The following PCLO variants were observed in gnomAD, a reference collection of about 807,000 sequenced individuals.
PCLO encodes the protein protein piccolo.
A neutral mutation model predicts 427.5 loss-of-function variants in PCLO; 82 were observed. That is an observed-to-expected ratio of 0.19 (90% confidence interval 0.16 to 0.23). The LOEUF (loss-of-function observed/expected upper bound fraction) is 0.23. Among genes scored for constraint, PCLO ranks in the 10% least tolerant of loss-of-function variants. The probability of loss-of-function intolerance (pLI) is 1.00; values close to 1 mark genes in which losing one functional copy is unlikely to be tolerated. For missense variants in PCLO, 6,239 were observed against 6,115.9 expected (o/e 1.02, Z -0.67); for synonymous variants, 2,357 against 2,155.4 (o/e 1.09, Z -2.59).
chr7:83,014,934 T>A (rs1788170294), intron 3 of PCLO, among the ~76,000 whole-genome samples: 1 of 152,172 alleles, frequency 6.6e-6, no homozygotes, highest in African/African-American at 2.4e-5. Context: ...TAGGGAACAC[T>A]TTTTGAGCAA....
At chr7:83,043,062 C>G (rs1789011686) in intron 3 of PCLO, among the ~76,000 whole-genome samples, 1 of 152,154 alleles carries the variant, frequency 6.6e-6, no homozygotes, top group Admixed American at 6.5e-5. Context: ...TGTGCATTGT[C>G]AGATGTTTAG....
chr7:83,093,670 T>G (rs571878994), intron 3 of PCLO, among the ~76,000 whole-genome samples: 2 of 149,690 alleles, frequency 1.3e-5, no homozygotes, highest in South Asian at 4.2e-4. Context: ...TTTTTTTTAT[T>G]TTTTAGTAGA....
chr7:82,835,690 T>A lies in PCLO; in HGVS notation c.14226A>T (p.Gln4742His). Reference protein sequence around the residue: ...VKVYLLPGRGQVMVVQNASAE... With the variant: ...VKVYLLPGRGHVMVVQNASAE... The stretch of plus-strand genomic sequence containing the variant: ...ACCTTGCATTCTGGACAACCATGAC[T>A]TGACTGCATTGATTCCAAGAGCGAG... Residue 4742 changes from glutamine to histidine, a missense_variant, in exon 16 of 25, where the codon CAA (glutamine) becomes CAT (histidine). By Grantham distance (24) the Gln-to-His change is conservative (BLOSUM62 0). Coordinates refer to ENST00000333891, the MANE Select transcript of PCLO (RefSeq NM_033026.6). 6.2e-7 allele frequency: 1 copy of A among 1,609,204 alleles called. No individual in the cohort carries two copies.
chr7:83,011,417 C>T (rs942046505), intron 3 of PCLO, among the ~76,000 whole-genome samples: 2 of 151,892 alleles, frequency 1.3e-5, no homozygotes, highest in South Asian at 4.1e-4. Context: ...TTGTTGAACA[C>T]TGTTAGATAA....
intron 3 of PCLO, among the ~76,000 whole-genome samples, chr7:83,004,472 A>G (rs1456710479): frequency 3.2e-5 from 3 of 92,680 alleles, no homozygotes; most frequent in African/African-American, 1.7e-4. Context: ...ATGAAATTGG[A>G]CGCTTACACA....
intron 9 of PCLO, among the ~76,000 whole-genome samples, chr7:82,880,130 A>C (rs1008752747): frequency 6.6e-6 from 1 of 152,142 alleles, no homozygotes; most frequent in Admixed American, 6.6e-5. Context: ...TGAGATAAAT[A>C]TAAGTGTTTA....
Position 82,915,987 on chromosome 7 carries a change from G to C in PCLO, c.11999C>G (p.Ser4000Cys). ...PVSTDNTFAV[S>C]HLGSKYNSLD... ...ACTATTGTACTTACTACCAAGATGGGAAACAGCAAATGTGTTATCCGTAGA... is the reference window on the plus strand; with the variant it reads ...ACTATTGTACTTACTACCAAGATGGCAAACAGCAAATGTGTTATCCGTAGA... The change falls in exon 7 of 25, where the codon TCC becomes TGC. Residue 4000 changes from serine to cysteine, a missense_variant. Physicochemically the swap from Ser to Cys is moderately radical, Grantham distance 112. Around this residue, in one of 5 missense-constraint regions of PCLO, gnomAD observed 680 missense variants for 677.3 expected, o/e 1.00. Transcript: ENST00000333891. The C allele has an allele frequency of 1.9e-6, 3 of 1,612,682 alleles. No individual in the cohort carries two copies. The highest frequency in any genetic ancestry group is 2.2e-5 in the East Asian group (1 of 44,864).
intron 3 of PCLO, among the ~76,000 whole-genome samples, chr7:83,081,911 A>T (rs1260834212): frequency 6.6e-6 from 1 of 151,790 alleles, no homozygotes; most frequent in East Asian, 1.9e-4. Flanking sequence ...TGATGATTGT[A>T]AATGAGTAAA....
At position 82,953,261 on chromosome 7, in the gene PCLO, G is replaced by A. The variant is rs1252144947; in HGVS notation, c.7692C>T (p.His2564=). 4.3e-6 allele frequency: 7 copies of A among 1,613,824 alleles called. No individual in the cohort carries two copies. The highest frequency in any genetic ancestry group is 5.1e-6 in the Non-Finnish European group (6 of 1,179,876). The part of the protein sequence containing the change: ...LPSPTSPLSP[H]SNKSSPRFSK... The stretch of plus-strand genomic sequence containing the variant: ...AAAATCTTGGTGAAGACTTGTTGGA[G>A]TGTGGGGAAAGTGGGGAGGTAGGGG... The change falls in exon 5 of 25, where the codon CAC becomes CAT. Residue 2564 remains histidine, a synonymous_variant. Coordinates refer to ENST00000333891, the MANE Select transcript of PCLO (RefSeq NM_033026.6).
intron 3 of PCLO, among the ~76,000 whole-genome samples, chr7:83,113,013 T>A (rs1348923678): frequency 1.3e-5 from 2 of 152,210 alleles, no homozygotes; most frequent in Admixed American, 6.5e-5. Flanking sequence ...GACTCTTTAG[T>A]AACAAGTATA....
chr7:83,152,723 A>G (rs553477508), intron 2 of PCLO, among the ~76,000 whole-genome samples: 1 of 152,262 alleles, frequency 6.6e-6, no homozygotes, highest in East Asian at 1.9e-4. Context: ...TTCCCCATGA[A>G]GTTCTCCTTA....
At position 83,162,490 on chromosome 7, in the gene PCLO, T is replaced by A; in HGVS notation, c.103A>T (p.Thr35Ser). The A allele has an allele frequency of 6.4e-7, 1 of 1,574,770 alleles. No individual in the cohort carries two copies. Among genetic ancestry groups the A allele is most frequent in the Non-Finnish European group, 8.6e-7 (1 of 1,160,224 alleles). Residue 35 changes from threonine (T) to serine (S), a missense_variant, in exon 1 of 25, where the codon ACC becomes TCC. Around this residue, in one of 5 missense-constraint regions of PCLO, gnomAD observed 4,677 missense variants for 4,468.4 expected, o/e 1.05. Transcript: ENST00000333891. ...GCCTCCATGCCGGCCGGGATCGCGG[T>A]GTGAGAGGGGCTCCCCGCCCCGCTA... ...GASGAGSPSH[T>S]AIPAGMEADL...
intron 3 of PCLO, among the ~76,000 whole-genome samples, chr7:83,092,343 C>A (rs1223686191): frequency 1.3e-5 from 2 of 152,144 alleles, no homozygotes; most frequent in African/African-American, 4.8e-5. Flanking sequence ...ATCCCTTATT[C>A]ATATATAGCC....
At chr7:83,110,084 C>A (rs544265355) in intron 3 of PCLO, among the ~76,000 whole-genome samples, 151 of 150,666 alleles carry the variant, frequency 1.0e-3, no homozygotes, top group Middle Eastern at 3.4e-3. Flanking sequence ...GGCCCCCAAG[C>A]AGGTTCTCAG....
intron 1 of PCLO, among the ~76,000 whole-genome samples, chr7:83,157,987 T>C (rs558836207): frequency 2.6e-5 from 4 of 152,156 alleles, no homozygotes; most frequent in Non-Finnish European, 5.9e-5. Flanking sequence ...TTTCCTGACA[T>C]AGAAATTTGA....
chr7:82,885,618 T>C (rs1268942048), intron 9 of PCLO, among the ~76,000 whole-genome samples: 1 of 152,064 alleles, frequency 6.6e-6, no homozygotes, highest in Non-Finnish European at 1.5e-5. Context: ...GGTAGAAAAA[T>C]GTGCAAGACA....
intron 22 of PCLO, among the ~76,000 whole-genome samples, chr7:82,779,445 G>A (rs553902558): frequency 6.6e-6 from 1 of 152,024 alleles, no homozygotes; most frequent in Admixed American, 6.6e-5. Flanking sequence ...GATTAACTTT[G>A]TCTTTTATTT....
chr7:83,014,290 T>C (rs939860776), intron 3 of PCLO, among the ~76,000 whole-genome samples: 1 of 152,158 alleles, frequency 6.6e-6, no homozygotes, highest in African/African-American at 2.4e-5. Context: ...ATCTATCCTG[T>C]TCTACCGTCA....
rs927771045 is a variant in PCLO, at chr7:82,953,209, C to G, written c.7744G>C (p.Val2582Leu). ...CCTGGTTCAGATGGCAATGTAATAA[C>G]TACATAAGTTTCTGTGAGGGATTTG... ...FSKSLTETYVVITLPSEPGTP... is the reference protein window; with the variant it reads ...FSKSLTETYVLITLPSEPGTP... Residue 2582 changes from valine (V) to leucine (L), a missense_variant, in exon 5 of 25, where the codon GTT becomes CTT. Physicochemically the swap from Val to Leu is conservative, Grantham distance 32. Transcript: ENST00000333891. 6.2e-7 allele frequency: 1 copy of G among 1,613,802 alleles called. No individual in the cohort carries two copies. The highest frequency in any genetic ancestry group is 1.3e-5 in the African/African-American group (1 of 74,902).
Sources: gnomAD v4.1 joint callset for allele counts (sites outside exome capture counted in the v4.1 genomes callset) on GRCh38, gnomAD v4.1.1 for gene constraint, gnomAD v4.1.1 regional missense constraint, MANE v1.5 for transcripts, NCBI Gene and HGNC (gene_info 2026-07-23, HGNC 2026-07-21) for gene names.